The following RALYL variants were observed in gnomAD, a reference collection of about 807,000 sequenced individuals.
RALYL encodes RNA-binding Raly-like protein.
In RALYL, 29 loss-of-function variants were observed where a neutral mutation model predicts 35.1. The observed-to-expected ratio is 0.83, with a 90% CI of 0.61 to 1.13. RALYL has a LOEUF of 1.13. Among genes scored for constraint, RALYL ranks in the 50% most tolerant of loss-of-function variants. The pLI is 0.00. For synonymous variants in RALYL, 120 were observed against 127.6 expected (o/e 0.94, Z 0.40); for missense variants, 359 against 360.4 (o/e 1.00, Z 0.03).
Position 84,469,083 on chromosome 8 carries a change from G to A in RALYL, c.-23-60216G>A, listed in dbSNP as rs182664144. On this transcript the variant is annotated intron_variant, in intron 1 of 8. Transcript: ENST00000521268. The stretch of plus-strand genomic sequence containing the variant: ...CAAAGTTTTCAACTTCTTTGCCTTC[G>A]GTTTGAATGTCCTTCCGTAGCTCAG... 6.2e-3 allele frequency among the ~76,000 whole-genome samples: 943 copies of A among 152,008 alleles called. 7 individuals are homozygous for A. The highest frequency in any genetic ancestry group is 0.019 in the African/African-American group (805 of 41,448).
chr8:84,792,177 C>G (rs1365292845), intron 3 of RALYL, among the ~76,000 whole-genome samples: 7 of 152,200 alleles, frequency 4.6e-5, no homozygotes, highest in Non-Finnish European at 1.0e-4. Flanking sequence ...CTCTTGGTAC[C>G]CGGGTCCTTG....
At chr8:84,607,714 A>G (rs1222893735) in intron 2 of RALYL, among the ~76,000 whole-genome samples, 2 of 152,046 alleles carry the variant, frequency 1.3e-5, no homozygotes, top group East Asian at 3.9e-4. Flanking sequence ...ATTTTCCTCT[A>G]TCTGTATGTC....
chr8:84,330,413 A>G (rs1236700677), intron 1 of RALYL, among the ~76,000 whole-genome samples: 1 of 152,004 alleles, frequency 6.6e-6, no homozygotes, highest in East Asian at 1.9e-4. Context: ...TCAAGGGCAT[A>G]AAGATTCATG....
intron 1 of RALYL, among the ~76,000 whole-genome samples, chr8:84,327,926 G>T (rs1261966741): frequency 6.6e-6 from 1 of 152,098 alleles, no homozygotes; most frequent in Non-Finnish European, 1.5e-5. Context: ...TTTACCACCA[G>T]TATAGAAAGC....
intron 1 of RALYL, among the ~76,000 whole-genome samples, chr8:84,338,431 T>A (rs1848208447): frequency 6.7e-6 from 1 of 149,532 alleles, no homozygotes; most frequent in South Asian, 2.1e-4. Flanking sequence ...TTTTAACAAA[T>A]CTAAGAGGAT....
At chr8:84,632,672 A>T (rs1824182086) in intron 2 of RALYL, among the ~76,000 whole-genome samples, 2 of 151,414 alleles carry the variant, frequency 1.3e-5, no homozygotes, top group Admixed American at 1.3e-4. Flanking sequence ...TACAGTGGTG[A>T]CCTTGACTTA....
intron 1 of RALYL, among the ~76,000 whole-genome samples, chr8:84,462,441 TA>T (rs139249087): frequency 0.11 from 15,719 of 143,204 alleles, 1,049 homozygotes; most frequent in Admixed American, 0.21. Context: ...ACTCTCTTTG[TA>T]AAAAAAAAAA....
intron 1 of RALYL, among the ~76,000 whole-genome samples, chr8:84,407,938 G>A (rs2132114088): frequency 6.6e-6 from 1 of 152,070 alleles, no homozygotes; most frequent in African/African-American, 2.4e-5. Flanking sequence ...ATTGTCCAAG[G>A]CAAGTGGCAA....
intron 6 of RALYL, among the ~76,000 whole-genome samples, chr8:84,868,574 A>G (rs940409833): frequency 6.6e-6 from 1 of 152,294 alleles, no homozygotes; most frequent in Non-Finnish European, 1.5e-5. Context: ...AACAATTCTG[A>G]TTTGCATATT....
intron 2 of RALYL, among the ~76,000 whole-genome samples, chr8:84,670,204 A>C: frequency 6.6e-6 from 1 of 151,916 alleles, no homozygotes; most frequent in East Asian, 1.9e-4. Context: ...CTTTCTGCCT[A>C]AGATCACTTT....
At chr8:84,336,408 G>A (rs898886617) in intron 1 of RALYL, among the ~76,000 whole-genome samples, 1 of 151,490 alleles carries the variant, frequency 6.6e-6, no homozygotes, top group Non-Finnish European at 1.5e-5. Flanking sequence ...TTGACATGTA[G>A]ACTTGTATTT....
intron 1 of RALYL, among the ~76,000 whole-genome samples, chr8:84,473,420 T>C (rs1014816533): frequency 1.3e-5 from 2 of 151,758 alleles, no homozygotes; most frequent in African/African-American, 4.8e-5. Context: ...TACCAAGAGC[T>C]AAACAAAAAA....
At chr8:84,654,551 A>G (rs906402341) in intron 2 of RALYL, among the ~76,000 whole-genome samples, 5 of 151,718 alleles carry the variant, frequency 3.3e-5, no homozygotes, top group Admixed American at 3.3e-4. Flanking sequence ...TATTTTCTGT[A>G]CCCATTAATC....
At chr8:84,569,731 A>G (rs923329301) in intron 2 of RALYL, among the ~76,000 whole-genome samples, 1 of 151,864 alleles carries the variant, frequency 6.6e-6, no homozygotes, top group Non-Finnish European at 1.5e-5. Flanking sequence ...TCATACATTT[A>G]AGTCTTTAAT....
intron 1 of RALYL, among the ~76,000 whole-genome samples, chr8:84,198,780 A>T (rs745399795): frequency 2.6e-4 from 39 of 152,138 alleles, no homozygotes; most frequent in Non-Finnish European, 4.4e-4. Flanking sequence ...ACTTCGTTTA[A>T]CATAATGGCC....
At chr8:84,225,734 T>C (rs1823726057) in intron 1 of RALYL, among the ~76,000 whole-genome samples, 1 of 152,206 alleles carries the variant, frequency 6.6e-6, no homozygotes, top group Non-Finnish European at 1.5e-5. Context: ...ACCTTCACGG[T>C]GTCCTCTTTA....
chr8:84,766,311 A>G (rs542105398), intron 2 of RALYL, among the ~76,000 whole-genome samples: 4 of 152,170 alleles, frequency 2.6e-5, no homozygotes, highest in African/African-American at 7.2e-5. Context: ...TTGCAGTTTT[A>G]TCTGTTAAGT....
intron 1 of RALYL, among the ~76,000 whole-genome samples, chr8:84,324,500 T>A (rs1267147055): frequency 1.3e-5 from 2 of 152,196 alleles, no homozygotes; most frequent in Middle Eastern, 3.4e-3. Flanking sequence ...TCTCAATATA[T>A]TGAGAACCCA....
At chr8:84,195,495 A>T (rs1030836244) in intron 1 of RALYL, among the ~76,000 whole-genome samples, 1 of 152,170 alleles carries the variant, frequency 6.6e-6, no homozygotes, top group Non-Finnish European at 1.5e-5. Flanking sequence ...TACCCTCCTG[A>T]ATAGACAGTT....
Sources: allele counts gnomAD v4.1 joint callset (sites outside exome capture counted in the v4.1 genomes callset), GRCh38; gene constraint gnomAD v4.1.1; transcripts MANE v1.5; gene names NCBI Gene and HGNC (gene_info 2026-07-23, HGNC 2026-07-21).